Variants in ERC1 observed in about 807,000 individuals in gnomAD.
ERC1 encodes the protein ELKS/RAB6-interacting/CAST family member 1.
Under a neutral mutation model 132.0 loss-of-function variants are expected in ERC1, and 56 were observed. That is an observed-to-expected ratio of 0.42 (90% CI 0.34 to 0.53). The LOEUF is 0.53. ERC1 is among the 20% of genes least tolerant of loss of function. The probability of loss-of-function intolerance (pLI) is 0.03; values close to 1 mark genes in which losing one functional copy is unlikely to be tolerated. For missense variants in ERC1, 1,202 were observed against 1,349.9 expected (o/e 0.89, Z 1.72); for synonymous variants, 478 against 476.1 (o/e 1.00, Z -0.05).
chr12:1,292,845 T>C (rs1174294478), intron 15 of ERC1, among the ~76,000 whole-genome samples: 1 of 151,730 alleles, frequency 6.6e-6, no homozygotes, highest in East Asian at 1.9e-4. Context: ...ACCCCGTCTC[T>C]ACTGAAAATA....
intron 8 of ERC1, among the ~76,000 whole-genome samples, chr12:1,161,168 A>G (rs990551455): frequency 2.0e-5 from 3 of 152,278 alleles, no homozygotes; most frequent in South Asian, 2.1e-4. Context: ...CTCTGCTCTC[A>G]GGAGTCCCAG....
intron 17 of ERC1, among the ~76,000 whole-genome samples, chr12:1,439,786 A>C (rs1436896256): frequency 3.3e-5 from 5 of 152,186 alleles, no homozygotes; most frequent in African/African-American, 1.2e-4. Context: ...CCTGTAAGGC[A>C]TTCTCTTTCT....
chr12:1,006,121 T>C (rs1963527690), intron 1 of ERC1, among the ~76,000 whole-genome samples: 1 of 151,838 alleles, frequency 6.6e-6, no homozygotes, highest in Non-Finnish European at 1.5e-5. Context: ...CACACCTGGC[T>C]CATTTTTGTA....
rs1216593064 is a variant in ERC1 at position 1,206,947 on chromosome 12, C to T, written c.2351+16895C>T. ...ATCAGAGCTTCGTGATGACCTTGAG[C>T]AGTAGGATATAAATAACTACCACAA... On this transcript the variant is annotated intron_variant, in intron 12 of 18. Coordinates refer to ENST00000360905, the MANE Select transcript of ERC1 (RefSeq NM_178040.4). Among the ~76,000 whole-genome samples the T allele has an allele frequency of 3.3e-5, 5 of 152,060 alleles. No homozygotes were observed. The East Asian group carries it at 9.6e-4, about 29-fold the overall frequency.
chr12:1,203,126 C>T lies in ERC1; in HGVS notation c.2351+13074C>T, dbSNP rs189951964. Among the ~76,000 whole-genome samples, 67 of 152,322 alleles carry T rather than the reference C, an allele frequency of 4.4e-4. 1 individual carries two copies. The East Asian group carries it at 9.8e-3, about 22-fold the overall frequency. ...AGGCTGGAGTGCAGTGGCACAATCT[C>T]GGCTCACTGCAGCCTCCACCTCCCT... On this transcript the variant is annotated intron_variant, in intron 12 of 18. Coordinates refer to ENST00000360905, the MANE Select transcript of ERC1 (RefSeq NM_178040.4).
intron 18 of ERC1, among the ~76,000 whole-genome samples, chr12:1,479,904 C>G (rs940304942): frequency 1.3e-5 from 2 of 152,158 alleles, no homozygotes; most frequent in Non-Finnish European, 1.5e-5. Context: ...GCACTGAGAG[C>G]AGCAGCAAGC....
intron 2 of ERC1, among the ~76,000 whole-genome samples, chr12:1,077,216 T>G (rs1438070697): frequency 6.6e-5 from 10 of 152,324 alleles, no homozygotes; most frequent in Admixed American, 5.2e-4. Context: ...CCATTTCACG[T>G]GTCCATAATT....
At chr12:1,051,179 T>A (rs1971893519) in intron 2 of ERC1, among the ~76,000 whole-genome samples, 1 of 152,194 alleles carries the variant, frequency 6.6e-6, no homozygotes, top group African/African-American at 2.4e-5. Flanking sequence ...ACTTGGAATC[T>A]GGGGCATTTT....
chr12:1,168,260 AC>A (rs1217474952), intron 8 of ERC1, among the ~76,000 whole-genome samples: 1 of 151,990 alleles, frequency 6.6e-6, no homozygotes, highest in African/African-American at 2.4e-5. Context: ...AACTAAGACT[AC>A]AGTTGTACAG....
At chr12:1,013,908 A>C (rs972933137) in intron 1 of ERC1, among the ~76,000 whole-genome samples, 5 of 152,094 alleles carry the variant, frequency 3.3e-5, no homozygotes, top group African/African-American at 1.2e-4. Flanking sequence ...ATTAAAAAAA[A>C]AGTTTTTTGT....
intron 14 of ERC1, among the ~76,000 whole-genome samples, chr12:1,273,944 A>T (rs2078064129): frequency 6.6e-6 from 1 of 152,242 alleles, no homozygotes; most frequent in Non-Finnish European, 1.5e-5. Flanking sequence ...AACATTTGTG[A>T]CATAAAACCA....
intron 1 of ERC1, 61 bp downstream of exon 1, chr12:991,383 CT>C (rs1252628676): frequency 6.4e-6 from 1 of 156,054 alleles, no homozygotes; most frequent in African/African-American, 2.4e-5. Flanking sequence ...AGCTTCCCCC[CT>C]GTCGCTAGTG....
intron 17 of ERC1, among the ~76,000 whole-genome samples, chr12:1,417,408 A>C (rs2092168868): frequency 6.7e-6 from 1 of 149,762 alleles, no homozygotes; most frequent in African/African-American, 2.4e-5. Flanking sequence ...GTACTGAAAC[A>C]CATAAACAGT....
chr12:1,188,462 C>T (rs1233975019), intron 11 of ERC1, among the ~76,000 whole-genome samples: 1 of 152,174 alleles, frequency 6.6e-6, no homozygotes, highest in African/African-American at 2.4e-5. Flanking sequence ...TGGGAAACCA[C>T]GTGAAACAAC....
intron 2 of ERC1, among the ~76,000 whole-genome samples, chr12:1,067,601 G>C (rs75175019): frequency 6.6e-6 from 1 of 152,288 alleles, no homozygotes; most frequent in East Asian, 1.9e-4. Context: ...GTGCTCAGGG[G>C]TGTGCCCCTG....
intron 15 of ERC1, among the ~76,000 whole-genome samples, chr12:1,305,076 G>A (rs923855284): frequency 5.9e-5 from 9 of 152,208 alleles, no homozygotes; most frequent in South Asian, 2.1e-4. Flanking sequence ...CACTGCTCCC[G>A]GCCTGTTTGT....
intron 8 of ERC1, among the ~76,000 whole-genome samples, chr12:1,144,413 C>G (rs2154250439): frequency 6.6e-6 from 1 of 152,072 alleles, no homozygotes; most frequent in South Asian, 2.1e-4. Context: ...ATTCCCACTT[C>G]CCCTTGACTC....
chr12:1,190,977 T>G (rs1230264905), intron 12 of ERC1, among the ~76,000 whole-genome samples: 3 of 152,096 alleles, frequency 2.0e-5, no homozygotes, highest in Non-Finnish European at 4.4e-5. Context: ...TTGGGGTTAG[T>G]GGTAGACTTG....
At chr12:1,392,817 T>A (rs796650299) in intron 16 of ERC1, among the ~76,000 whole-genome samples, 2 of 152,356 alleles carry the variant, frequency 1.3e-5, no homozygotes, top group African/African-American at 4.8e-5. Flanking sequence ...TTTCTGTTTT[T>A]TTCTTCTACA....
Sources: gnomAD v4.1 joint callset for allele counts (sites outside exome capture counted in the v4.1 genomes callset) on GRCh38, gnomAD v4.1.1 for gene constraint, MANE v1.5 for transcripts, NCBI Gene and HGNC (gene_info 2026-07-23, HGNC 2026-07-21) for gene names.